Variants in KIF1B observed in about 807,000 individuals in gnomAD.
KIF1B encodes the protein kinesin-like protein KIF1B.
A neutral mutation model predicts 241.9 loss-of-function variants in KIF1B; 76 were observed. That is an observed-to-expected ratio of 0.31 (90% CI 0.26 to 0.38). The LOEUF is 0.38. Ranked by LOEUF, KIF1B falls within the 10% of genes least tolerant of loss-of-function variation. The pLI is 1.00. For missense variants in KIF1B, 1,622 were observed against 2,271.4 expected (o/e 0.71, Z 5.81); for synonymous variants, 750 against 796.7 (o/e 0.94, Z 0.99).
intron 22 of KIF1B, among the ~76,000 whole-genome samples, chr1:10,309,831 A>G (rs1172513054): frequency 2.0e-5 from 3 of 151,522 alleles, no homozygotes. Context: ...CCAAGGCTTT[A>G]CATGTTTTGG....
At chr1:10,249,840 A>G (rs2102167947) in intron 2 of KIF1B, among the ~76,000 whole-genome samples, 1 of 152,320 alleles carries the variant, frequency 6.6e-6, no homozygotes, top group Non-Finnish European at 1.5e-5. Context: ...GAGGCTGAGG[A>G]TGCGTGAGCT....
intron 35 of KIF1B, among the ~76,000 whole-genome samples, chr1:10,346,321 C>T (rs1480846968): frequency 1.3e-5 from 2 of 152,100 alleles, no homozygotes; most frequent in Admixed American, 1.3e-4. Context: ...TTAGCAACAG[C>T]AAAATCATGG....
At chr1:10,346,021 C>A in intron 35 of KIF1B, 68 bp downstream of exon 35, 1 of 1,009,994 alleles carries the variant, frequency 9.9e-7, no homozygotes, top group Non-Finnish European at 1.5e-6. Context: ...AATTTTGAAT[C>A]TTCTTGTATT....
At chr1:10,322,305 G>A (rs897737411) in intron 24 of KIF1B, among the ~76,000 whole-genome samples, 4 of 152,142 alleles carry the variant, frequency 2.6e-5, no homozygotes, top group Admixed American at 6.6e-5. Flanking sequence ...AGACAGTCCA[G>A]GTTCCAGTCC....
intron 22 of KIF1B, among the ~76,000 whole-genome samples, chr1:10,317,467 T>A (rs1651349693): frequency 6.6e-6 from 1 of 151,396 alleles, no homozygotes; most frequent in African/African-American, 2.5e-5. Context: ...CTGGTTCCTT[T>A]CAGTGGCAGT....
intron 6 of KIF1B, among the ~76,000 whole-genome samples, 166 bp downstream of exon 6, chr1:10,267,724 G>A (rs1303132008): frequency 6.6e-6 from 1 of 152,190 alleles, no homozygotes; most frequent in Admixed American, 6.5e-5. Context: ...AGAGTGTTAA[G>A]TATCTTCTCA....
chr1:10,242,841 C>T (rs1647156919), intron 2 of KIF1B, among the ~76,000 whole-genome samples: 1 of 152,048 alleles, frequency 6.6e-6, no homozygotes, highest in Non-Finnish European at 1.5e-5. Context: ...TGGGACCACT[C>T]ATATATGTGG....
chr1:10,350,922 C>T (rs973578279), intron 37 of KIF1B, among the ~76,000 whole-genome samples: 1 of 151,924 alleles, frequency 6.6e-6, no homozygotes, highest in Non-Finnish European at 1.5e-5. Flanking sequence ...CATGGCAAAA[C>T]CCTGTCTCTC....
intron 16 of KIF1B, 70 bp from the exon 17 acceptor site, chr1:10,291,977 C>T: frequency 7.5e-7 from 1 of 1,339,844 alleles, no homozygotes; most frequent in Non-Finnish European, 1.1e-6. Flanking sequence ...GCTTTATTTT[C>T]CAATTCATAT....
chr1:10,355,108 G>GTAC, intron 38 of KIF1B, among the ~76,000 whole-genome samples: 1 of 152,120 alleles, frequency 6.6e-6, no homozygotes, highest in Non-Finnish European at 1.5e-5. Context: ...ACTGAAAGGG[G>GTAC]TACTGATGGT....
At chr1:10,214,766 A>G (rs950221068) in intron 1 of KIF1B, among the ~76,000 whole-genome samples, 18 of 151,382 alleles carry the variant, frequency 1.2e-4, no homozygotes, top group Non-Finnish European at 1.5e-5. Context: ...TATTTTTAGT[A>G]GAGACGGGGT....
At chr1:10,362,222 G>A (rs1372298297) in intron 40 of KIF1B, among the ~76,000 whole-genome samples, 1 of 152,160 alleles carries the variant, frequency 6.6e-6, no homozygotes, top group Non-Finnish European at 1.5e-5. Flanking sequence ...GCTCATGTCT[G>A]TAATCCCAGC....
chr1:10,247,294 G>A (rs1180148233), intron 2 of KIF1B, among the ~76,000 whole-genome samples: 2 of 152,320 alleles, frequency 1.3e-5, no homozygotes, highest in East Asian at 3.9e-4. Flanking sequence ...TGCTGGTCTT[G>A]CTGTTCCTTA....
Position 10,379,328 on chromosome 1 carries a change from G to A in KIF1B, c.*2741G>A, listed in dbSNP as rs916480943. On this transcript the variant is annotated 3_prime_UTR_variant, in exon 49 of 49. Transcript: ENST00000676179. ...CCAAACTGGACTGTCTGTTCATAGCGTGCCTGAATAAGAAGGCCTCTTAGG... is the reference window on the plus strand; with the variant it reads ...CCAAACTGGACTGTCTGTTCATAGCATGCCTGAATAAGAAGGCCTCTTAGG... The A allele has an allele frequency of 4.8e-5, 11 of 231,216 alleles. No individual in the cohort carries two copies. Among genetic ancestry groups the A allele is most frequent in the African/African-American group, 2.0e-4 (9 of 45,224 alleles). 14.3% of individuals were successfully genotyped at this position (231,216 alleles called of 1,614,324 possible). A position where few individuals can be genotyped will look rare whatever the true frequency, so the allele number is the denominator to read the frequency against.
At chr1:10,218,512 C>G (rs1646798411) in intron 1 of KIF1B, among the ~76,000 whole-genome samples, 1 of 151,996 alleles carries the variant, frequency 6.6e-6, no homozygotes, top group South Asian at 2.1e-4. Flanking sequence ...CCTTCATCTC[C>G]CGGGTTCAAG....
At chr1:10,227,036 T>C (rs1225763558) in intron 1 of KIF1B, among the ~76,000 whole-genome samples, 85 of 90,194 alleles carry the variant, frequency 9.4e-4, no homozygotes, top group East Asian at 1.2e-3. Context: ...GTCTCTCTTT[T>C]TTTTTTTTTT....
intron 15 of KIF1B, among the ~76,000 whole-genome samples, chr1:10,286,485 G>A (rs1307335121): frequency 6.6e-6 from 1 of 152,222 alleles, no homozygotes; most frequent in Admixed American, 6.5e-5. Flanking sequence ...GCAGGCAAGG[G>A]CAAATGCTGT....
rs1336962239 is a variant in KIF1B at position 10,265,241 on chromosome 1, TTTATTTA to T, written c.430-2136_430-2130del. On this transcript the variant is annotated intron_variant, in intron 5 of 48. Transcript: ENST00000676179. ...ATTTATTTATTTATTTATTTATTTA[TTTATTTA>T]TTTTTAGAGACAGGATCTCACTGTC... Among the ~76,000 whole-genome samples, 300 of 128,126 alleles carry T rather than the reference TTTATTTA, an allele frequency of 2.3e-3. 3 individuals are homozygous for T. Among genetic ancestry groups the T allele is most frequent in the African/African-American group, 7.5e-3 (280 of 37,526 alleles). 84.1% of individuals were successfully genotyped at this position (128,126 alleles called of 152,430 possible). A position where few individuals can be genotyped will look rare whatever the true frequency, so the allele number is the denominator to read the frequency against.
chr1:10,232,195 G>C, intron 1 of KIF1B, 55 bp from the exon 2 acceptor site: 1 of 666,304 alleles, frequency 1.5e-6, no homozygotes, highest in Non-Finnish European at 2.7e-6. Context: ...GCTTAAGTTA[G>C]CCAGTTCTTG....
Sources: allele counts gnomAD v4.1 joint callset (sites outside exome capture counted in the v4.1 genomes callset), GRCh38; gene constraint gnomAD v4.1.1; transcripts MANE v1.5; gene names NCBI Gene and HGNC (gene_info 2026-07-23, HGNC 2026-07-21).